The following PTPRJ variants were observed in gnomAD, a reference collection of about 807,000 sequenced individuals.
PTPRJ encodes the protein receptor-type tyrosine-protein phosphatase eta.
PTPRJ carries 129 observed loss-of-function variants against 141.3 expected under a neutral mutation model. The observed-to-expected ratio is 0.91, with a 90% CI of 0.79 to 1.06. The LOEUF (loss-of-function observed/expected upper bound fraction) is 1.06. Ranked by LOEUF, PTPRJ falls within the 50% of genes least tolerant of loss-of-function variation. The pLI is 0.00. For missense variants in PTPRJ, 1,601 were observed against 1,679.7 expected (o/e 0.95, Z 0.82); for synonymous variants, 610 against 640.5 (o/e 0.95, Z 0.72).
At chr11:48,131,070 ATTTTTTTTT>A (rs71045547) in intron 8 of PTPRJ, among the ~76,000 whole-genome samples, 6 of 46,542 alleles carry the variant, frequency 1.3e-4, no homozygotes, top group South Asian at 2.5e-3. Flanking sequence ...ATATATATAT[ATTTTTTTTT>A]TTTTTTTTTT....
At chr11:48,079,248 C>T (rs1217550561) in intron 1 of PTPRJ, among the ~76,000 whole-genome samples, 4 of 151,876 alleles carry the variant, frequency 2.6e-5, no homozygotes, top group Middle Eastern at 3.2e-3. Context: ...GGGCTGCATG[C>T]GGGCCATGGG....
At chr11:48,116,027 C>T (rs1334198165) in intron 3 of PTPRJ, among the ~76,000 whole-genome samples, 1 of 152,040 alleles carries the variant, frequency 6.6e-6, no homozygotes, top group Non-Finnish European at 1.5e-5. Flanking sequence ...AACAAAGAGT[C>T]TATAAAACAA....
Position 48,149,472 on chromosome 11 carries a change from TC to T in PTPRJ, c.3027del (p.Ser1011LeufsTer10), listed in dbSNP as rs778975784. On this transcript the variant is annotated frameshift_variant, in exon 16 of 25. Coordinates refer to ENST00000418331, the MANE Select transcript of PTPRJ (RefSeq NM_002843.4). LOFTEE classifies it high-confidence loss of function. ...KRKDAKNNEVSFSQIKPKKSK... is the reference protein window; with the variant it reads ...KRKDAKNNEVXFSQIKPKKSK... ...GAAAGATGCAAAGAATAATGAAGTGTCCTTTTCTCAAATTAAGTAAGTCTCT... is the reference window on the plus strand; with the variant it reads ...GAAAGATGCAAAGAATAATGAAGTGTCTTTTCTCAAATTAAGTAAGTCTCT... The T allele has an allele frequency of 6.6e-7, 1 of 1,519,786 alleles. No homozygotes were observed. The allele number at this position is 1,519,786 out of a possible 1,614,324, so 94.1% of individuals were successfully genotyped here.
intron 1 of PTPRJ, among the ~76,000 whole-genome samples, chr11:48,031,631 A>G (rs1211834381): frequency 6.6e-6 from 1 of 152,218 alleles, no homozygotes; most frequent in Non-Finnish European, 1.5e-5. Context: ...CTCAACACAC[A>G]GGGTCGGATC....
At chr11:48,006,274 G>T (rs1212883394) in intron 1 of PTPRJ, among the ~76,000 whole-genome samples, 1 of 152,182 alleles carries the variant, frequency 6.6e-6, no homozygotes, top group African/African-American at 2.4e-5. Flanking sequence ...AGGGTGATTC[G>T]GGAGGAAGAG....
intron 6 of PTPRJ, among the ~76,000 whole-genome samples, chr11:48,126,284 A>G (rs962566266): frequency 6.6e-6 from 1 of 152,110 alleles, no homozygotes; most frequent in Admixed American, 6.5e-5. Flanking sequence ...AGTAGTGATT[A>G]CATCTCAGGC....
At chr11:48,131,064 ATATATATTTTTTT>A (rs1294226513) in intron 8 of PTPRJ, among the ~76,000 whole-genome samples, 10 of 112,368 alleles carry the variant, frequency 8.9e-5, no homozygotes, top group African/African-American at 1.4e-4. Context: ...ATATATATAT[ATATATATTTTTTT>A]TTTTTTTTTT....
chr11:48,096,202 G>A (rs1392061449), intron 1 of PTPRJ, among the ~76,000 whole-genome samples: 5 of 152,204 alleles, frequency 3.3e-5, no homozygotes, highest in Non-Finnish European at 7.3e-5. Flanking sequence ...CGGCTCTGCA[G>A]TGTGACCCAC....
chr11:48,111,857 A>G (rs1856450946), intron 2 of PTPRJ, among the ~76,000 whole-genome samples: 1 of 152,236 alleles, frequency 6.6e-6, no homozygotes, highest in East Asian at 1.9e-4. Context: ...AGCACAAGTC[A>G]GCTCATAACA....
intron 1 of PTPRJ, among the ~76,000 whole-genome samples, chr11:47,983,503 G>A (rs934085469): frequency 6.6e-6 from 1 of 152,216 alleles, no homozygotes; most frequent in Non-Finnish European, 1.5e-5. Flanking sequence ...GTGGAAGCTG[G>A]AAAGCTGAGA....
At chr11:48,126,462 C>G (rs1215951961) in intron 6 of PTPRJ, among the ~76,000 whole-genome samples, 1 of 151,914 alleles carries the variant, frequency 6.6e-6, no homozygotes, top group Non-Finnish European at 1.5e-5. Flanking sequence ...CACTAGATGG[C>G]GTAAACAATG....
At chr11:48,046,613 G>A (rs1311374607) in intron 1 of PTPRJ, among the ~76,000 whole-genome samples, 1 of 152,094 alleles carries the variant, frequency 6.6e-6, no homozygotes, top group Non-Finnish European at 1.5e-5. Flanking sequence ...TTGTGGTGTT[G>A]TGGGGAGAGG....
At chr11:48,100,286 A>G (rs1856119366) in intron 1 of PTPRJ, among the ~76,000 whole-genome samples, 1 of 152,158 alleles carries the variant, frequency 6.6e-6, no homozygotes, top group South Asian at 2.1e-4. Flanking sequence ...TCTGTGTTGC[A>G]GAGATACCTT....
At chr11:48,114,844 G>A (rs1337690503) in intron 3 of PTPRJ, among the ~76,000 whole-genome samples, 2 of 152,168 alleles carry the variant, frequency 1.3e-5, no homozygotes, top group African/African-American at 4.8e-5. Context: ...AACAATAAGT[G>A]ACTAGATTGA....
chr11:48,055,591 C>T (rs1854732245), intron 1 of PTPRJ, among the ~76,000 whole-genome samples: 1 of 152,180 alleles, frequency 6.6e-6, no homozygotes, highest in Non-Finnish European at 1.5e-5. Flanking sequence ...TTCTCAGAAG[C>T]GTCTCTAGGT....
intron 1 of PTPRJ, among the ~76,000 whole-genome samples, chr11:48,068,052 T>C (rs1209711299): frequency 2.0e-5 from 3 of 152,226 alleles, no homozygotes; most frequent in African/African-American, 7.2e-5. Context: ...TTTAGGAAGA[T>C]GACACAGTGT....
At chr11:48,093,866 C>T (rs12274159) in intron 1 of PTPRJ, among the ~76,000 whole-genome samples, 2,054 of 151,268 alleles carry the variant, frequency 0.014, 57 homozygotes, top group African/African-American at 0.047. Context: ...GCGGCTCTGA[C>T]GATCCTCGAT....
At chr11:48,146,813 T>G in intron 14 of PTPRJ, 63 bp from the exon 15 acceptor site, 1 of 1,405,562 alleles carries the variant, frequency 7.1e-7, no homozygotes, top group Admixed American at 1.7e-5. Context: ...AGGCCAGTTT[T>G]TAGCACATTG....
chr11:48,136,016 TCTC>T lies in PTPRJ; in HGVS notation c.1616-20_1616-18del, dbSNP rs768641380. 4 of 1,604,944 alleles carry T rather than the reference TCTC, an allele frequency of 2.5e-6. No homozygotes were observed. The highest frequency in any genetic ancestry group is 1.7e-6 in the Non-Finnish European group (2 of 1,173,462). The stretch of plus-strand genomic sequence containing the variant: ...CGTCATGATAGTAACAGTTTTCCCT[TCTC>T]CTTCCTTTCTTCTGAGCAGTTCCCA... On this transcript the variant is annotated intron_variant, in intron 8 of 24. Coordinates refer to ENST00000418331, the MANE Select transcript of PTPRJ (RefSeq NM_002843.4).
Sources: allele counts gnomAD v4.1 joint callset (sites outside exome capture counted in the v4.1 genomes callset), GRCh38; gene constraint gnomAD v4.1.1; transcripts MANE v1.5; gene names NCBI Gene and HGNC (gene_info 2026-07-23, HGNC 2026-07-21).